The following PDZD8 variants were observed in gnomAD, a reference collection of about 807,000 sequenced individuals.
PDZD8 encodes the protein PDZ domain-containing protein 8.
Under a neutral mutation model 85.8 loss-of-function variants are expected in PDZD8, and 14 were observed. The ratio of observed to expected loss-of-function variants is 0.16; its 90% CI spans 0.11 to 0.26. The LOEUF (loss-of-function observed/expected upper bound fraction) is 0.26, where lower values mean the gene tolerates loss of function less well. PDZD8 is among the 10% of genes least tolerant of loss of function. The pLI is 1.00. For missense variants in PDZD8, 1,197 were observed against 1,424.3 expected (o/e 0.84, Z 2.57); for synonymous variants, 592 against 568.6 (o/e 1.04, Z -0.59).
Position 117,374,426 on chromosome 10 carries a change from T to C in PDZD8, c.802A>G (p.Thr268Ala), listed in dbSNP as rs1391491064. Residue 268 changes from threonine to alanine, a missense_variant, in exon 1 of 5, where the codon ACC becomes GCC. Thr to Ala is a moderately conservative substitution (Grantham distance 58). This residue lies in a region of PDZD8 where 344 missense variants were observed against 453.6 expected (regional missense o/e 0.76). Coordinates refer to ENST00000334464, the MANE Select transcript of PDZD8 (RefSeq NM_173791.5). The surrounding 1 kb of genome is among the most constrained non-coding windows in gnomAD (Gnocchi z 7.8). ...TTGAGCTGGTTGACGATGATGGAGG[T>C]GAGCTGGGGCATGGGCCGCCCTTCA... ...QFEGRPMPQLTSIIVNQLKKI... is the reference protein window; with the variant it reads ...QFEGRPMPQLASIIVNQLKKI... 13 of 1,614,158 alleles carry C rather than the reference T, an allele frequency of 8.1e-6. No homozygotes were observed. The highest frequency in any genetic ancestry group is 1.1e-5 in the Non-Finnish European group (13 of 1,180,024).
intron 3 of PDZD8, among the ~76,000 whole-genome samples, chr10:117,302,044 T>A (rs1313662620): frequency 6.6e-6 from 1 of 152,178 alleles, no homozygotes; most frequent in African/African-American, 2.4e-5. Flanking sequence ...ATAAAACAAT[T>A]TCTAGGTTCT....
At chr10:117,372,657 G>A (rs1173537132) in intron 1 of PDZD8, among the ~76,000 whole-genome samples, 1 of 152,150 alleles carries the variant, frequency 6.6e-6, no homozygotes, top group East Asian at 1.9e-4. Context: ...TGATATTCCA[G>A]AGGTTAAAAG....
rs1220312419 is a variant in PDZD8 at position 117,285,073 on chromosome 10, G to A, written c.1660C>T (p.Pro554Ser). 15 of 1,613,960 alleles carry A rather than the reference G, an allele frequency of 9.3e-6. No individual in the cohort carries two copies. The highest frequency in any genetic ancestry group is 1.2e-5 in the Non-Finnish European group (14 of 1,179,872). ...TTTCCATCTTTGGACTGAATTTTCG[G>A]TGGTAGTGGGTGACTTCCTACAGCT... is the stretch of plus-strand genomic sequence containing the variant. ...KLAVGSHPLP[P>S]KIQSKDGNKP... is the part of the protein sequence containing the mutation. The change falls in exon 5 of 5, where the codon CCG becomes TCG. Residue 554 changes from proline to serine, a missense_variant. Coordinates refer to ENST00000334464, the MANE Select transcript of PDZD8 (RefSeq NM_173791.5).
chr10:117,285,724 CA>C (rs1235112121), intron 4 of PDZD8: 23 of 1,164,668 alleles, frequency 2.0e-5, no homozygotes, highest in Non-Finnish European at 2.3e-5. Context: ...CACAGGATCC[CA>C]AAAAGAGTGC....
chr10:117,290,358 A>AG lies in PDZD8; in HGVS notation c.1099-11dup. On this transcript the variant is annotated splice_polypyrimidine_tract_variant and intron_variant, in intron 3 of 4. Transcript: ENST00000334464. ...CTTTTATTAATTCAACCTTTGATAA[A>AG]GGGGAAAAAAATGAAAACTGATTCA... The AG allele has an allele frequency of 1.3e-6, 2 of 1,583,306 alleles. No homozygotes were observed.
chr10:117,296,890 AAACATGACACAAACAGTAT>A (rs1437560771), intron 3 of PDZD8, among the ~76,000 whole-genome samples: 1 of 152,140 alleles, frequency 6.6e-6, no homozygotes, highest in Non-Finnish European at 1.5e-5. Flanking sequence ...AAGATTTCTT[AAACATGACACAAACAGTAT>A]AAATCTATAA....
intron 1 of PDZD8, among the ~76,000 whole-genome samples, chr10:117,360,784 T>C (rs566845162): frequency 1.4e-4 from 21 of 151,898 alleles, no homozygotes; most frequent in Admixed American, 4.6e-4. Flanking sequence ...TTAATATTTA[T>C]TAAAGCTCAC....
intron 1 of PDZD8, among the ~76,000 whole-genome samples, chr10:117,351,076 A>T (rs1313676193): frequency 6.6e-6 from 1 of 152,148 alleles, no homozygotes; most frequent in African/African-American, 2.4e-5. Flanking sequence ...GTTGGAGAGG[A>T]TGTGAAACTG....
intron 2 of PDZD8, 124 bp downstream of exon 2, chr10:117,340,856 A>T: frequency 9.0e-7 from 1 of 1,106,444 alleles, no homozygotes; most frequent in Non-Finnish European, 1.2e-6. Flanking sequence ...TATTAAATTT[A>T]CAATTAAAGA....
chr10:117,333,335 C>T (rs1330439116), intron 2 of PDZD8, among the ~76,000 whole-genome samples: 1 of 151,978 alleles, frequency 6.6e-6, no homozygotes, highest in Non-Finnish European at 1.5e-5. Context: ...AAAGTACCTA[C>T]ATATTGCAGA....
At chr10:117,310,368 A>G (rs973559268) in intron 3 of PDZD8, among the ~76,000 whole-genome samples, 6 of 152,272 alleles carry the variant, frequency 3.9e-5, no homozygotes, top group Non-Finnish European at 8.8e-5. Flanking sequence ...ATTTTCCTTG[A>G]AGGGAAAGAT....
At chr10:117,353,080 T>A (rs1737384769) in intron 1 of PDZD8, among the ~76,000 whole-genome samples, 1 of 152,184 alleles carries the variant, frequency 6.6e-6, no homozygotes, top group Admixed American at 6.5e-5. Flanking sequence ...TAAAGCTGTA[T>A]AATTTCTATA....
At chr10:117,346,435 A>G (rs578253961) in intron 1 of PDZD8, among the ~76,000 whole-genome samples, 1 of 152,224 alleles carries the variant, frequency 6.6e-6, no homozygotes, top group East Asian at 1.9e-4. Flanking sequence ...TCAAGCCATG[A>G]TGGCAAATGG....
At chr10:117,305,665 C>T (rs532145859) in intron 3 of PDZD8, among the ~76,000 whole-genome samples, 32 of 152,130 alleles carry the variant, frequency 2.1e-4, no homozygotes, top group African/African-American at 7.2e-4. Flanking sequence ...AGTGTCATGT[C>T]GGTGATACGA....
intron 1 of PDZD8, among the ~76,000 whole-genome samples, chr10:117,342,701 C>T (rs1844636902): frequency 6.6e-6 from 1 of 152,104 alleles, no homozygotes; most frequent in South Asian, 2.1e-4. Flanking sequence ...CAGTCTTGAA[C>T]TCCTGACCTC....
At chr10:117,367,391 AGAGT>A in intron 1 of PDZD8, among the ~76,000 whole-genome samples, 1 of 151,092 alleles carries the variant, frequency 6.6e-6, no homozygotes, top group Non-Finnish European at 1.5e-5. Context: ...AGCCTGGGCA[AGAGT>A]GAGACTCCGT....
intron 3 of PDZD8, among the ~76,000 whole-genome samples, chr10:117,299,021 C>G (rs528198899): frequency 1.3e-5 from 2 of 152,244 alleles, no homozygotes; most frequent in African/African-American, 4.8e-5. Flanking sequence ...ATATCCATCA[C>G]AGTCCTCACA....
intron 2 of PDZD8, among the ~76,000 whole-genome samples, chr10:117,337,080 C>T (rs1844528516): frequency 6.6e-6 from 1 of 150,606 alleles, no homozygotes; most frequent in African/African-American, 2.4e-5. Context: ...CAGAGTGAGA[C>T]TCCATCTCAA....
chr10:117,349,601 G>GACCAGCCTGGGCTCA (rs1844767902), intron 1 of PDZD8, among the ~76,000 whole-genome samples: 1 of 151,960 alleles, frequency 6.6e-6, no homozygotes, highest in Non-Finnish European at 1.5e-5. Context: ...TCAGGAGCTC[G>GACCAGCCTGGGCTCA]TGACCAGCCT....
Sources: gnomAD v4.1 joint callset for allele counts (sites outside exome capture counted in the v4.1 genomes callset) on GRCh38, gnomAD v4.1.1 for gene constraint, gnomAD v4.1.1 regional missense constraint, Gnocchi (gnomAD v3.1) non-coding constraint, MANE v1.5 for transcripts, NCBI Gene and HGNC (gene_info 2026-07-23, HGNC 2026-07-21) for gene names.